PPM1E: variants seen among roughly 807,000 people sequenced by gnomAD.
PPM1E encodes protein phosphatase, Mg2+/Mn2+ dependent 1E, also known as protein phosphatase 1E.
Under a neutral mutation model 65.9 loss-of-function variants are expected in PPM1E, and 20 were observed. The observed-to-expected ratio is 0.30, with a 90% CI of 0.21 to 0.44. The LOEUF (loss-of-function observed/expected upper bound fraction) is 0.44. PPM1E is among the 20% of genes least tolerant of loss of function. PPM1E has a pLI of 1.00. For missense variants in PPM1E, 713 were observed against 953.1 expected (o/e 0.75, Z 3.32); for synonymous variants, 352 against 374.9 (o/e 0.94, Z 0.70).
chr17:58,882,590 C>T (rs193291442), intron 1 of PPM1E, among the ~76,000 whole-genome samples: 4,409 of 152,122 alleles, frequency 0.029, 104 homozygotes, highest in African/African-American at 0.062. Flanking sequence ...AGGGTTTCAC[C>T]ATGTTGGCCA....
At chr17:58,776,975 G>C (rs2049999990) in intron 1 of PPM1E, among the ~76,000 whole-genome samples, 1 of 152,112 alleles carries the variant, frequency 6.6e-6, no homozygotes, top group African/African-American at 2.4e-5. Flanking sequence ...GCTCATGACT[G>C]TAATCCCAAC....
intron 1 of PPM1E, among the ~76,000 whole-genome samples, chr17:58,784,341 G>A (rs1049392260): frequency 6.6e-6 from 1 of 152,024 alleles, no homozygotes; most frequent in Non-Finnish European, 1.5e-5. Flanking sequence ...GTGTCTGAAT[G>A]AAGCTAGTTT....
intron 1 of PPM1E, among the ~76,000 whole-genome samples, chr17:58,829,557 C>A (rs1226786636): frequency 6.6e-6 from 1 of 152,124 alleles, no homozygotes; most frequent in Non-Finnish European, 1.5e-5. Flanking sequence ...CTGTTCCAGT[C>A]CAGACTGTAC....
chr17:58,970,321 A>G (rs1175463322), intron 4 of PPM1E, among the ~76,000 whole-genome samples: 1 of 152,184 alleles, frequency 6.6e-6, no homozygotes. Context: ...AATAAATGGC[A>G]AGGGCTCTAT....
chr17:58,973,184 G>A (rs139298029), intron 6 of PPM1E, among the ~76,000 whole-genome samples: 43 of 152,246 alleles, frequency 2.8e-4, no homozygotes, highest in Non-Finnish European at 5.1e-4. Context: ...TTGGGAGGCC[G>A]AGGCGGGTGT....
intron 1 of PPM1E, among the ~76,000 whole-genome samples, chr17:58,814,522 G>A (rs150036798): frequency 1.8e-3 from 276 of 152,278 alleles, no homozygotes; most frequent in African/African-American, 6.3e-3. Context: ...GTGACCTTGA[G>A]TATTATTTGA....
At chr17:58,829,435 G>A (rs894791132) in intron 1 of PPM1E, among the ~76,000 whole-genome samples, 9 of 152,118 alleles carry the variant, frequency 5.9e-5, no homozygotes, top group Admixed American at 4.6e-4. Context: ...TGTACCTATT[G>A]TCCTTTATTT....
chr17:58,883,728 G>A (rs558933394), intron 1 of PPM1E, among the ~76,000 whole-genome samples: 13 of 150,482 alleles, frequency 8.6e-5, no homozygotes, highest in South Asian at 8.4e-4. Flanking sequence ...CTCGTGATCC[G>A]CCCGCCTCGG....
intron 1 of PPM1E, among the ~76,000 whole-genome samples, chr17:58,854,337 T>C (rs2050859157): frequency 6.6e-6 from 1 of 152,166 alleles, no homozygotes; most frequent in Non-Finnish European, 1.5e-5. Flanking sequence ...TTTCTACATA[T>C]AGGATCACGT....
chr17:58,781,543 G>T (rs910581647), intron 1 of PPM1E, among the ~76,000 whole-genome samples: 1 of 151,968 alleles, frequency 6.6e-6, no homozygotes. Flanking sequence ...TTTCGTCTTA[G>T]ATTGTAAGGG....
At position 58,983,440 on chromosome 17, in the gene PPM1E, C is replaced by G. The variant is rs2031504706; in HGVS notation, c.*2409C>G. 6.5e-6 allele frequency: 1 copy of G among 152,814 alleles called. No homozygotes were observed. Among genetic ancestry groups the G allele is most frequent in the African/African-American group, 2.4e-5 (1 of 41,442 alleles). 9.5% of individuals were successfully genotyped at this position (152,814 alleles called of 1,614,324 possible). ...GATAAAAGCAGTGCTTTGTGAAATG[C>G]AGTGTTCTCTCTTAACGCCACTGGT... On this transcript the variant is annotated 3_prime_UTR_variant, in exon 7 of 7. Coordinates refer to ENST00000308249, the MANE Select transcript of PPM1E (RefSeq NM_014906.5).
At chr17:58,933,648 T>C (rs1296072251) in intron 1 of PPM1E, among the ~76,000 whole-genome samples, 1 of 151,296 alleles carries the variant, frequency 6.6e-6, no homozygotes, top group Non-Finnish European at 1.5e-5. Context: ...ATACAAAAAT[T>C]AGCTGGGCAT....
intron 1 of PPM1E, among the ~76,000 whole-genome samples, chr17:58,932,527 A>C (rs2051915305): frequency 6.6e-6 from 1 of 152,204 alleles, no homozygotes; most frequent in South Asian, 2.1e-4. Context: ...GAACTAATTT[A>C]TTAACATAAA....
intron 1 of PPM1E, among the ~76,000 whole-genome samples, chr17:58,889,218 G>C (rs1008734292): frequency 6.6e-6 from 1 of 152,120 alleles, no homozygotes; most frequent in African/African-American, 2.4e-5. Context: ...GCAAATCTGT[G>C]TGTGGGAGTT....
In PPM1E at chr17:58,958,728, T is replaced by A. The variant is rs191618235; in HGVS notation, c.583+2961T>A. ...GGAGTAGGTGACTCTACAAGTGAGG[T>A]GAACATTTTCAAATGCAAAGGCAGA... On this transcript the variant is annotated intron_variant, in intron 2 of 6. Coordinates refer to ENST00000308249, the MANE Select transcript of PPM1E (RefSeq NM_014906.5). 6.6e-5 allele frequency among the ~76,000 whole-genome samples: 10 copies of A among 151,936 alleles called. No individual in the cohort carries two copies. The East Asian group carries it at 1.9e-3, about 29-fold the overall frequency.
chr17:58,982,217 G>A lies in PPM1E; in HGVS notation c.*1186G>A, dbSNP rs2031397222. ...TTCAGACTGCAGAGACAGGACGTGT[G>A]CTTTTCATTTCAATATTTAGTTATA... is the stretch of plus-strand genomic sequence containing the variant. On this transcript the variant is annotated 3_prime_UTR_variant, in exon 7 of 7. Transcript: ENST00000308249. 1.3e-5 allele frequency: 2 copies of A among 152,578 alleles called. No individual in the cohort carries two copies. Among genetic ancestry groups the A allele is most frequent in the Admixed American group, 1.3e-4 (2 of 15,286 alleles). The allele number at this position is 152,578 out of a possible 1,614,324, so 9.5% of individuals were successfully genotyped here. A position where few individuals can be genotyped will look rare whatever the true frequency, so the allele number is the denominator to read the frequency against.
At chr17:58,859,381 G>C (rs1204077115) in intron 1 of PPM1E, among the ~76,000 whole-genome samples, 1 of 152,192 alleles carries the variant, frequency 6.6e-6, no homozygotes, top group Non-Finnish European at 1.5e-5. Context: ...AGTTACAACA[G>C]CTTTAAGTTT....
chr17:58,934,954 T>A (rs989651657), intron 1 of PPM1E, among the ~76,000 whole-genome samples: 2 of 150,012 alleles, frequency 1.3e-5, no homozygotes, highest in African/African-American at 4.9e-5. Context: ...AAAATAATTT[T>A]AAAAATGGCT....
At chr17:58,906,242 CTTAG>C (rs1015698303) in intron 1 of PPM1E, among the ~76,000 whole-genome samples, 3 of 152,024 alleles carry the variant, frequency 2.0e-5, no homozygotes, top group East Asian at 1.9e-4. Flanking sequence ...CTCCTTTTTT[CTTAG>C]TTAGCCTGGC....
Sources: allele counts gnomAD v4.1 joint callset (sites outside exome capture counted in the v4.1 genomes callset), GRCh38; gene constraint gnomAD v4.1.1; transcripts MANE v1.5; gene names NCBI Gene and HGNC (gene_info 2026-07-23, HGNC 2026-07-21).